The following CTNNA2 variants were observed in gnomAD, a reference collection of about 807,000 sequenced individuals.
The protein encoded by CTNNA2 is catenin alpha 2.
In CTNNA2, 42 loss-of-function variants were observed where a neutral mutation model predicts 101.0. That is an observed-to-expected ratio of 0.42 (90% CI 0.32 to 0.54). CTNNA2 has a LOEUF of 0.54. Ranked by LOEUF, CTNNA2 falls within the 20% of genes least tolerant of loss-of-function variation. The probability of loss-of-function intolerance (pLI) is 0.14; values close to 1 mark genes in which losing one functional copy is unlikely to be tolerated. For missense variants in CTNNA2, 871 were observed against 1,223.1 expected, an observed-to-expected ratio of 0.71 and a Z score of 4.29; for synonymous variants, 450 against 456.4, an observed-to-expected ratio of 0.99 and a Z score of 0.18.
At chr2:80,640,646 A>T (rs1232842013) in intron 18 of CTNNA2, among the ~76,000 whole-genome samples, 4 of 152,208 alleles carry the variant, frequency 2.6e-5, no homozygotes, top group Non-Finnish European at 5.9e-5. Context: ...AAGGACATCA[A>T]ATAGGTCTTC....
At chr2:80,468,648 C>T (rs1685053979) in intron 9 of CTNNA2, among the ~76,000 whole-genome samples, 1 of 152,164 alleles carries the variant, frequency 6.6e-6, no homozygotes, top group Non-Finnish European at 1.5e-5. Flanking sequence ...GAACTCCTGA[C>T]CTTGTGATCC....
At chr2:80,353,648 C>T (rs180981255) in intron 7 of CTNNA2, among the ~76,000 whole-genome samples, 52 of 152,188 alleles carry the variant, frequency 3.4e-4, no homozygotes, top group Middle Eastern at 3.4e-3. Context: ...ACATATTTAC[C>T]GCATGAGCTC....
At chr2:80,524,536 C>T (rs1689857251) in intron 9 of CTNNA2, among the ~76,000 whole-genome samples, 1 of 152,148 alleles carries the variant, frequency 6.6e-6, no homozygotes. Flanking sequence ...CCATCCCAGC[C>T]ATATTTTCTG....
At chr2:80,268,502 C>A (rs1673193713) in intron 7 of CTNNA2, among the ~76,000 whole-genome samples, 1 of 152,060 alleles carries the variant, frequency 6.6e-6, no homozygotes, top group South Asian at 2.1e-4. Flanking sequence ...CTAATTAGAG[C>A]CCTCATTTTT....
At chr2:80,060,076 T>A (rs1313379590) in intron 7 of CTNNA2, among the ~76,000 whole-genome samples, 1 of 152,222 alleles carries the variant, frequency 6.6e-6, no homozygotes. Context: ...AGTCCAAGAA[T>A]GAGCATGGGA....
At chr2:79,607,988 A>T (rs72822505) in intron 1 of CTNNA2, among the ~76,000 whole-genome samples, 20,014 of 151,494 alleles carry the variant, frequency 0.13, 2,210 homozygotes, top group African/African-American at 0.31. Context: ...GTTTTTTTTT[A>T]ATTAAATCTG....
intron 9 of CTNNA2, among the ~76,000 whole-genome samples, chr2:80,480,372 A>T (rs1686055490): frequency 6.6e-6 from 1 of 152,106 alleles, no homozygotes; most frequent in Non-Finnish European, 1.5e-5. Context: ...CCTATAAAAT[A>T]AAAGCCCCAA....
At chr2:80,308,768 AT>A (rs1211341224) in intron 7 of CTNNA2, among the ~76,000 whole-genome samples, 2 of 152,200 alleles carry the variant, frequency 1.3e-5, no homozygotes, top group African/African-American at 2.4e-5. Flanking sequence ...TAATAAATGA[AT>A]TAATAATAAT....
chr2:79,833,454 T>G (rs1030941495), intron 3 of CTNNA2, among the ~76,000 whole-genome samples: 1 of 152,180 alleles, frequency 6.6e-6, no homozygotes, highest in East Asian at 1.9e-4. Context: ...TTTTCCTTGA[T>G]AGTGAAATTT....
intron 9 of CTNNA2, among the ~76,000 whole-genome samples, chr2:80,523,616 G>A (rs1689766034): frequency 6.6e-6 from 1 of 152,132 alleles, no homozygotes; most frequent in African/African-American, 2.4e-5. Context: ...GCTCTACAGC[G>A]AGCTCGGCTC....
intron 2 of CTNNA2, among the ~76,000 whole-genome samples, chr2:79,287,151 ATTC>A (rs1216099409): frequency 4.6e-5 from 7 of 152,076 alleles, no homozygotes; most frequent in African/African-American, 7.2e-5. Flanking sequence ...CTAGTTATAC[ATTC>A]TTCTAAATTT....
chr2:80,635,625 C>CAAGAG (rs1273129728), intron 18 of CTNNA2, among the ~76,000 whole-genome samples: 1 of 152,082 alleles, frequency 6.6e-6, no homozygotes, highest in East Asian at 1.9e-4. Flanking sequence ...TATTAATATA[C>CAAGAG]TCTTAATTGG....
chr2:80,230,958 G>GTTTGTTTTGT (rs111940943), intron 7 of CTNNA2, among the ~76,000 whole-genome samples: 17,146 of 151,316 alleles, frequency 0.11, 2,267 homozygotes, highest in African/African-American at 0.32. Flanking sequence ...TGTTCCTGGT[G>GTTTGTTTTGT]TTTGTTTTGT....
chr2:79,266,441 C>A (rs1674987895), intron 2 of CTNNA2, among the ~76,000 whole-genome samples: 2 of 152,300 alleles, frequency 1.3e-5, no homozygotes, highest in Non-Finnish European at 2.9e-5. Flanking sequence ...TTTCCTCATA[C>A]ATCTCAATTC....
At chr2:79,784,930 G>A (rs7575462) in intron 3 of CTNNA2, among the ~76,000 whole-genome samples, 1 of 152,054 alleles carries the variant, frequency 6.6e-6, no homozygotes, top group African/African-American at 2.4e-5. Flanking sequence ...TAGTGACTGG[G>A]AGGCATTGTA....
chr2:80,633,378 C>A (rs1170279178), intron 18 of CTNNA2, among the ~76,000 whole-genome samples: 4 of 152,256 alleles, frequency 2.6e-5, no homozygotes, highest in South Asian at 2.1e-4. Context: ...ATGTTCCCTG[C>A]AATTTGACTA....
intron 7 of CTNNA2, among the ~76,000 whole-genome samples, chr2:80,064,202 G>C (rs1697811269): frequency 1.3e-5 from 2 of 152,188 alleles, no homozygotes; most frequent in East Asian, 1.9e-4. Flanking sequence ...TAGAATGTGA[G>C]GGCTGGGTTA....
chr2:79,356,911 A>G (rs923043587), intron 3 of CTNNA2, among the ~76,000 whole-genome samples: 1 of 152,244 alleles, frequency 6.6e-6, no homozygotes, highest in African/African-American at 2.4e-5. Context: ...ATTTAAACAT[A>G]GTTATGATTA....
chr2:80,250,045 C>A (rs1671633811), intron 7 of CTNNA2, among the ~76,000 whole-genome samples: 1 of 152,036 alleles, frequency 6.6e-6, no homozygotes, highest in African/African-American at 2.4e-5. Flanking sequence ...AAGATGGAAT[C>A]ATTTGCTTCT....
Sources: gnomAD v4.1 joint callset for allele counts (sites outside exome capture counted in the v4.1 genomes callset) on GRCh38, gnomAD v4.1.1 for gene constraint, MANE v1.5 for transcripts, NCBI Gene and HGNC (gene_info 2026-07-23, HGNC 2026-07-21) for gene names.